Variants in CLNK observed in about 807,000 individuals in gnomAD.
The protein encoded by CLNK is cytokine-dependent hematopoietic cell linker.
CLNK carries 74 observed loss-of-function variants against 68.6 expected under a neutral mutation model. That is an observed-to-expected ratio of 1.08 (90% CI 0.89 to 1.31). CLNK has a LOEUF of 1.31. Ranked by LOEUF, CLNK falls within the 50% of genes most tolerant of loss-of-function variation. The pLI, the probability that CLNK is intolerant of heterozygous loss-of-function variation, is 0.00. For missense variants in CLNK, 553 were observed against 515.3 expected, an observed-to-expected ratio of 1.07 and a Z score of -0.71; for synonymous variants, 198 against 172.2, an observed-to-expected ratio of 1.15 and a Z score of -1.17.
At chr4:10,516,702 G>A (rs1189342973) in intron 15 of CLNK, among the ~76,000 whole-genome samples, 3 of 152,038 alleles carry the variant, frequency 2.0e-5, no homozygotes, top group East Asian at 1.9e-4. Context: ...ACAGGCGCCC[G>A]CCACCATGCC....
At chr4:10,666,707 C>G (rs1177687887) in intron 2 of CLNK, among the ~76,000 whole-genome samples, 1 of 152,216 alleles carries the variant, frequency 6.6e-6, no homozygotes, top group Non-Finnish European at 1.5e-5. Flanking sequence ...AGAAGGGATG[C>G]TTGATTAGCT....
chr4:10,603,782 G>A (rs73810320), intron 2 of CLNK, among the ~76,000 whole-genome samples: 1,865 of 152,316 alleles, frequency 0.012, 52 homozygotes, highest in African/African-American at 0.043. Context: ...TCCAGGTGAG[G>A]CAATCCTGCT....
chr4:10,516,820 G>C (rs1205437852), intron 15 of CLNK, among the ~76,000 whole-genome samples: 1 of 152,094 alleles, frequency 6.6e-6, no homozygotes, highest in African/African-American at 2.4e-5. Context: ...CAAAGTGCTG[G>C]GATTATAGGC....
At chr4:10,659,075 G>T (rs1724092104) in intron 2 of CLNK, among the ~76,000 whole-genome samples, 1 of 152,140 alleles carries the variant, frequency 6.6e-6, no homozygotes. Context: ...ATGGTGGTAG[G>T]CACCTGTAAT....
chr4:10,715,950 G>A, the CLNK span, among the ~76,000 whole-genome samples: 1 of 152,180 alleles, frequency 6.6e-6, no homozygotes, highest in African/African-American at 2.4e-5. Context: ...CTTAGAATTA[G>A]GATCTGAGTC....
At position 10,576,885 on chromosome 4, in the gene CLNK, T is replaced by G. The variant is rs144671676; in HGVS notation, c.113-5107A>C. ...ATAGAGACTCTCAGATTATTTTCAT[T>G]TGGAAACACTTCTGGGAGCTCAAAT... On this transcript the variant is annotated intron_variant, in intron 4 of 18. Coordinates refer to ENST00000226951, the MANE Select transcript of CLNK (RefSeq NM_052964.4). Among the ~76,000 whole-genome samples the G allele has an allele frequency of 1.9e-3, 282 of 152,292 alleles. 1 individual carries two copies. The highest frequency in any genetic ancestry group is 3.4e-3 in the Non-Finnish European group (230 of 68,022).
chr4:10,689,744 C>CTTTTTTTTTTTTTTTTTT (rs1560280654), upstream of CLNK, among the ~76,000 whole-genome samples: 3 of 26,924 alleles, frequency 1.1e-4, no homozygotes, highest in Admixed American at 4.7e-4. Flanking sequence ...AAAACCCATG[C>CTTTTTTTTTTTTTTTTTT]ATTTTTTTTT....
chr4:10,525,208 G>A (rs188309896), intron 14 of CLNK, among the ~76,000 whole-genome samples: 2 of 152,276 alleles, frequency 1.3e-5, no homozygotes, highest in Admixed American at 6.5e-5. Context: ...GGGACTACAG[G>A]CACCCGCCAC....
intron 7 of CLNK, among the ~76,000 whole-genome samples, chr4:10,559,630 T>C (rs1719812548): frequency 6.6e-6 from 1 of 152,086 alleles, no homozygotes. Flanking sequence ...CCGTCTTAGG[T>C]GGGATTTGCA....
intron 2 of CLNK, among the ~76,000 whole-genome samples, chr4:10,603,489 C>T (rs1721669517): frequency 1.3e-5 from 2 of 152,212 alleles, no homozygotes. Context: ...GCACATGTCC[C>T]ATCTCCTCAG....
rs1716510695 is a variant in CLNK, at chr4:10,490,265, T to C, written c.*202A>G. On this transcript the variant is annotated 3_prime_UTR_variant, in exon 19 of 19. Coordinates refer to ENST00000226951, the MANE Select transcript of CLNK (RefSeq NM_052964.4). ...GTGGCCAGTTACTAGAATGTTTTTA[T>C]TTTTTGCATGTTATAAATATTTTCT... 4.4e-6 allele frequency: 2 copies of C among 456,772 alleles called. No individual in the cohort carries two copies. Among genetic ancestry groups the C allele is most frequent in the African/African-American group, 2.0e-5 (1 of 49,450 alleles). The allele number at this position is 456,772 out of a possible 1,614,324, so 28.3% of individuals were successfully genotyped here. A position where few individuals can be genotyped will look rare whatever the true frequency, so the allele number is the denominator to read the frequency against.
chr4:10,734,659 TATTTTAC>T, the CLNK span, among the ~76,000 whole-genome samples: 2 of 152,352 alleles, frequency 1.3e-5, no homozygotes, highest in South Asian at 4.1e-4. Context: ...AAATTCCTGG[TATTTTAC>T]ATCAGTGCTT....
intron 2 of CLNK, among the ~76,000 whole-genome samples, chr4:10,619,525 C>T (rs1722348588): frequency 6.6e-6 from 1 of 151,828 alleles, no homozygotes; most frequent in South Asian, 2.1e-4. Flanking sequence ...AATGACTTCA[C>T]TAATTAAGTG....
At chr4:10,730,559 C>T in the CLNK span, among the ~76,000 whole-genome samples, 1 of 152,112 alleles carries the variant, frequency 6.6e-6, no homozygotes, top group Non-Finnish European at 1.5e-5. Context: ...AAGGGAGTTG[C>T]AACTACAAGT....
intron 2 of CLNK, among the ~76,000 whole-genome samples, chr4:10,658,685 G>T (rs1724074945): frequency 6.6e-6 from 1 of 152,150 alleles, no homozygotes; most frequent in Non-Finnish European, 1.5e-5. Flanking sequence ...GGAGGAAGGT[G>T]GCTTCTAAAG....
intron 11 of CLNK, 122 bp downstream of exon 11, chr4:10,540,372 C>G: frequency 2.9e-6 from 2 of 700,442 alleles, no homozygotes; most frequent in Non-Finnish European, 5.1e-6. Context: ...TTGAATGGAC[C>G]AATACACTCC....
intron 1 of CLNK, among the ~76,000 whole-genome samples, chr4:10,682,569 A>C (rs1725134214): frequency 6.6e-6 from 1 of 152,204 alleles, no homozygotes; most frequent in African/African-American, 2.4e-5. Flanking sequence ...TCTTCCTCCC[A>C]GTTTCAAATT....
At chr4:10,538,128 AT>A (rs1016858595) in intron 11 of CLNK, among the ~76,000 whole-genome samples, 6 of 152,132 alleles carry the variant, frequency 3.9e-5, no homozygotes, top group South Asian at 2.1e-4. Flanking sequence ...TTATATATTT[AT>A]TTTTTTGAGA....
At chr4:10,619,108 A>G (rs1408208259) in intron 2 of CLNK, among the ~76,000 whole-genome samples, 3 of 152,220 alleles carry the variant, frequency 2.0e-5, no homozygotes, top group African/African-American at 7.2e-5. Context: ...TGTGTTCTAC[A>G]CTGCCAGTTG....
Sources: gnomAD v4.1 joint callset for allele counts (sites outside exome capture counted in the v4.1 genomes callset) on GRCh38, gnomAD v4.1.1 for gene constraint, MANE v1.5 for transcripts, NCBI Gene and HGNC (gene_info 2026-07-23, HGNC 2026-07-21) for gene names.